CACNA2D1: variants seen among roughly 807,000 people sequenced by gnomAD.
The protein encoded by CACNA2D1 is calcium voltage-gated channel auxiliary subunit alpha2delta 1, also known as voltage-dependent calcium channel subunit alpha-2/delta-1.
In CACNA2D1, 53 loss-of-function variants were observed where a neutral mutation model predicts 171.5. The ratio of observed to expected loss-of-function variants is 0.31; its 90% confidence interval spans 0.25 to 0.39. The LOEUF is 0.39. CACNA2D1 is among the 10% of genes least tolerant of loss of function. The pLI is 1.00. For synonymous variants in CACNA2D1, 442 were observed against 443.1 expected (o/e 1.00, Z 0.03); for missense variants, 903 against 1,299.8 (o/e 0.69, Z 4.69).
At position 81,955,914 on chromosome 7, in the gene CACNA2D1, G is replaced by A. The variant is rs754425575; in HGVS notation, c.3159+3361C>T. 6.8e-3 allele frequency among the ~76,000 whole-genome samples: 760 copies of A among 111,078 alleles called. 51 individuals carry two copies. The highest frequency in any genetic ancestry group is 9.9e-3 in the Non-Finnish European group (543 of 54,862). The allele number at this position is 111,078 out of a possible 152,430, so 72.9% of individuals were successfully genotyped here. On this transcript the variant is annotated intron_variant, in intron 38 of 38. Transcript: ENST00000356860. ...GAAAATGTTATTTTGGTGGGGGGGG[G>A]GGGGGGTGGTGGTCTTAGGTTAAAA...
At chr7:82,061,163 C>T (rs1366020525) in intron 9 of CACNA2D1, among the ~76,000 whole-genome samples, 2 of 152,172 alleles carry the variant, frequency 1.3e-5, no homozygotes, top group African/African-American at 2.4e-5. Context: ...TGCTGAACCA[C>T]TACGACTGAA....
chr7:82,058,541 A>C (rs1806222253), intron 10 of CACNA2D1, among the ~76,000 whole-genome samples: 1 of 152,186 alleles, frequency 6.6e-6, no homozygotes, highest in African/African-American at 2.4e-5. Flanking sequence ...ATTACATTCT[A>C]CTTGTTTGCA....
chr7:82,355,446 G>C (rs1397657578), intron 1 of CACNA2D1, among the ~76,000 whole-genome samples: 1 of 152,154 alleles, frequency 6.6e-6, no homozygotes, highest in Non-Finnish European at 1.5e-5. Context: ...AACAGTAACA[G>C]AAGTTTCAGT....
At chr7:82,317,164 T>A (rs908301727) in intron 3 of CACNA2D1, among the ~76,000 whole-genome samples, 3 of 152,120 alleles carry the variant, frequency 2.0e-5, no homozygotes, top group African/African-American at 7.2e-5. Context: ...CTACCAAGAG[T>A]ACCTAGAAGT....
At chr7:82,416,959 T>C (rs1335499344) in intron 1 of CACNA2D1, among the ~76,000 whole-genome samples, 2 of 152,202 alleles carry the variant, frequency 1.3e-5, no homozygotes, top group Non-Finnish European at 2.9e-5. Flanking sequence ...TAATACATAG[T>C]AATTATCCCA....
intron 38 of CACNA2D1, among the ~76,000 whole-genome samples, chr7:81,957,650 C>T (rs750031435): frequency 6.6e-6 from 1 of 152,072 alleles, no homozygotes; most frequent in South Asian, 2.1e-4. Context: ...TAACGTGAGT[C>T]TCCATCCAGA....
chr7:82,380,224 G>A (rs1215901043), intron 1 of CACNA2D1, among the ~76,000 whole-genome samples: 1 of 152,080 alleles, frequency 6.6e-6, no homozygotes, highest in Admixed American at 6.5e-5. Flanking sequence ...AATTAAAGTA[G>A]GAAAATTAGT....
At chr7:82,273,340 T>C (rs528762234) in intron 3 of CACNA2D1, among the ~76,000 whole-genome samples, 1 of 151,902 alleles carries the variant, frequency 6.6e-6, no homozygotes, top group Non-Finnish European at 1.5e-5. Context: ...GTTTACAGGA[T>C]TGATATTTGT....
rs530972910 is a variant in CACNA2D1 at position 82,367,042 on chromosome 7, G to T, written c.96-17393C>A. Among the ~76,000 whole-genome samples, 12 of 151,568 alleles carry T rather than the reference G, an allele frequency of 7.9e-5. No homozygotes were observed. In the East Asian group the frequency reaches 2.3e-3, roughly 29 times the overall value. On this transcript the variant is annotated intron_variant, in intron 1 of 38. Transcript: ENST00000356860. ...CTGCCTCAGCCTCCCAAGTAGCTGG[G>T]ACTACAGATATGTACCACCATGCCA... is the stretch of plus-strand genomic sequence containing the variant.
chr7:82,123,075 C>T (rs141260481), intron 5 of CACNA2D1, among the ~76,000 whole-genome samples: 5 of 152,138 alleles, frequency 3.3e-5, no homozygotes, highest in African/African-American at 1.2e-4. Flanking sequence ...CATGTTTAAA[C>T]CATCTTTGCA....
intron 3 of CACNA2D1, among the ~76,000 whole-genome samples, chr7:82,262,781 T>G (rs1807295580): frequency 6.6e-6 from 1 of 152,094 alleles, no homozygotes; most frequent in African/African-American, 2.4e-5. Flanking sequence ...AGCTAAAATT[T>G]TTCTCTCCCA....
Position 81,968,941 on chromosome 7 carries a change from T to A in CACNA2D1, c.2341A>T (p.Met781Leu). The change falls in exon 29 of 39, where the codon ATG becomes TTG. Residue 781 changes from methionine to leucine, a missense_variant. This residue lies in a region of CACNA2D1 where 623 missense variants were observed against 925.5 expected (regional missense o/e 0.67). Transcript: ENST00000356860. ...TATATTTCTACAGCTTTGCTTACCA[T>A]AATGCCCGATTCATAGGCACCAGGT... ...SGPGAYESGI[M>L]VSKAVEIYIQ... 1 of 1,594,174 alleles carries A rather than the reference T, an allele frequency of 6.3e-7. No individual in the cohort carries two copies. Among genetic ancestry groups the A allele is most frequent in the Non-Finnish European group, 8.6e-7 (1 of 1,164,052 alleles).
At chr7:82,319,584 C>G (rs1428667185) in intron 3 of CACNA2D1, among the ~76,000 whole-genome samples, 2 of 152,076 alleles carry the variant, frequency 1.3e-5, no homozygotes, top group Non-Finnish European at 2.9e-5. Context: ...TTAAGAACCA[C>G]ATTATGTTGT....
chr7:82,048,078 T>A (rs1363943018), intron 10 of CACNA2D1, among the ~76,000 whole-genome samples: 1 of 152,186 alleles, frequency 6.6e-6, no homozygotes, highest in Non-Finnish European at 1.5e-5. Flanking sequence ...TACATCCGCC[T>A]TTTAAGAAAG....
chr7:82,059,113 T>C (rs1457139096), intron 10 of CACNA2D1, among the ~76,000 whole-genome samples: 1 of 152,116 alleles, frequency 6.6e-6, no homozygotes, highest in Non-Finnish European at 1.5e-5. Context: ...CTTTAACTTC[T>C]TCCTCCCAAG....
At chr7:81,982,540 A>G in intron 24 of CACNA2D1, 27 bp downstream of exon 24, 1 of 1,338,584 alleles carries the variant, frequency 7.5e-7, no homozygotes, top group South Asian at 1.2e-5. Flanking sequence ...CTGATAGAAG[A>G]TGTATCAAAA....
chr7:82,375,579 C>T (rs1822930321), intron 1 of CACNA2D1, among the ~76,000 whole-genome samples: 1 of 152,162 alleles, frequency 6.6e-6, no homozygotes, highest in African/African-American at 2.4e-5. Context: ...ATTATCTACA[C>T]CACTCATTGG....
intron 10 of CACNA2D1, chr7:82,050,977 C>T (rs1039670033): frequency 3.8e-5 from 10 of 260,736 alleles, no homozygotes; most frequent in African/African-American, 6.6e-5. Context: ...GACAGGGTTG[C>T]CTGTGAAGAA....
chr7:82,429,215 A>G (rs1396264220), intron 1 of CACNA2D1, among the ~76,000 whole-genome samples: 4 of 152,110 alleles, frequency 2.6e-5, no homozygotes, highest in Admixed American at 2.0e-4. Context: ...CTGCATGTAT[A>G]TTTTCTTCAT....
Sources: gnomAD v4.1 joint callset for allele counts (sites outside exome capture counted in the v4.1 genomes callset) on GRCh38, gnomAD v4.1.1 for gene constraint, gnomAD v4.1.1 regional missense constraint, MANE v1.5 for transcripts, NCBI Gene and HGNC (gene_info 2026-07-23, HGNC 2026-07-21) for gene names.